The following C13orf42 variants were observed in gnomAD, a reference collection of about 807,000 sequenced individuals.
C13orf42 encodes the protein chromosome 13 open reading frame 42.
chr13:51,082,390 T>A lies in C13orf42; in HGVS notation c.*1761A>T, dbSNP rs1001257920. 6.6e-6 allele frequency: 1 copy of A among 152,182 alleles called. No individual in the cohort carries two copies. The highest frequency in any genetic ancestry group is 1.5e-5 in the Non-Finnish European group (1 of 68,020). The allele number at this position is 152,182 out of a possible 1,614,324, so 9.4% of individuals were successfully genotyped here. A position where few individuals can be genotyped will look rare whatever the true frequency, so the allele number is the denominator to read the frequency against. On this transcript the variant is annotated 3_prime_UTR_variant, in exon 4 of 4. Transcript: ENST00000563710. ...ATGTGCCATAAGCAATAAATGCTTT[T>A]TAAAAAATCAGGACTCCAAACATCC...
In C13orf42 at chr13:51,084,099, G is replaced by A. The variant is rs556229036; in HGVS notation, c.*52C>T. The A allele has an allele frequency of 9.3e-5, 37 of 398,394 alleles. No homozygotes were observed. The highest frequency in any genetic ancestry group is 1.2e-3 in the Middle Eastern group (2 of 1,610). The allele number at this position is 398,394 out of a possible 1,614,324, so 24.7% of individuals were successfully genotyped here. A position where few individuals can be genotyped will look rare whatever the true frequency, so the allele number is the denominator to read the frequency against. ...AAATACCTCATGCTGCGCTGAAAGC[G>A]GACAGCTTCTCAGGGACCCAGTCTG... On this transcript the variant is annotated 3_prime_UTR_variant, in exon 4 of 4. Coordinates refer to ENST00000563710, the MANE Select transcript of C13orf42 (RefSeq NM_001351589.3).
rs1320193171 is a variant in C13orf42 at position 51,085,337 on chromosome 13, G to A, written c.785C>T (p.Pro262Leu). The A allele has an allele frequency of 1.3e-5, 5 of 398,456 alleles. No individual in the cohort carries two copies. Among genetic ancestry groups the A allele is most frequent in the Non-Finnish European group, 1.8e-5 (4 of 226,024 alleles). The allele number at this position is 398,456 out of a possible 1,614,324, so 24.7% of individuals were successfully genotyped here. ...EGAFNTWKFKPKACKKDLGSS... is the reference protein window; with the variant it reads ...EGAFNTWKFKLKACKKDLGSS... ...CACTTACTCTTTTTTGCAGGCTTTGGGCTTAAATTTCCAGGTGTTGAAGGC... is the reference window on the plus strand; with the variant it reads ...CACTTACTCTTTTTTGCAGGCTTTGAGCTTAAATTTCCAGGTGTTGAAGGC... Residue 262 changes from proline to leucine, a missense_variant, in exon 3 of 4, where the codon CCC becomes CTC. Physicochemically the swap from Pro to Leu is moderately conservative, Grantham distance 98. Coordinates refer to ENST00000563710, the MANE Select transcript of C13orf42 (RefSeq NM_001351589.3).
chr13:51,135,603 T>C (rs756892129), intron 1 of C13orf42, among the ~76,000 whole-genome samples: 2 of 150,936 alleles, frequency 1.3e-5, no homozygotes, highest in Non-Finnish European at 3.0e-5. Flanking sequence ...CAATGAGCTA[T>C]GATCACACTA....
chr13:51,103,974 T>C (rs1953321610), intron 1 of C13orf42, among the ~76,000 whole-genome samples: 1 of 152,168 alleles, frequency 6.6e-6, no homozygotes. Flanking sequence ...CTACACAACA[T>C]TGTGAATGTA....
At chr13:51,123,822 C>T (rs1421197699) in intron 1 of C13orf42, among the ~76,000 whole-genome samples, 1 of 152,094 alleles carries the variant, frequency 6.6e-6, no homozygotes, top group African/African-American at 2.4e-5. Context: ...CTGAGCCCAT[C>T]TTGCTTCTAA....
At chr13:51,104,805 G>A (rs1593534761) in intron 1 of C13orf42, among the ~76,000 whole-genome samples, 1 of 148,824 alleles carries the variant, frequency 6.7e-6, no homozygotes, top group East Asian at 2.0e-4. Context: ...GCTAAGAAAA[G>A]TGATGTTTAT....
At chr13:51,123,133 G>T (rs534030372) in intron 1 of C13orf42, among the ~76,000 whole-genome samples, 12 of 152,224 alleles carry the variant, frequency 7.9e-5, no homozygotes, top group African/African-American at 2.9e-4. Context: ...TCTGAAAAAA[G>T]TTCCTCCCCT....
At chr13:51,146,482 G>A (rs1953737286) in intron 1 of C13orf42, among the ~76,000 whole-genome samples, 1 of 152,178 alleles carries the variant, frequency 6.6e-6, no homozygotes, top group South Asian at 2.1e-4. Flanking sequence ...GCACGCCCAT[G>A]ACACAGCCTC....
intron 1 of C13orf42, among the ~76,000 whole-genome samples, chr13:51,120,182 T>C (rs763845997): frequency 2.0e-5 from 3 of 152,232 alleles, no homozygotes; most frequent in Non-Finnish European, 4.4e-5. Context: ...TTGCAAGCAC[T>C]GACTACGTAT....
chr13:51,088,102 G>C (rs1182190309), intron 1 of C13orf42, 27 bp from the exon 2 acceptor site: 2 of 398,628 alleles, frequency 5.0e-6, no homozygotes, highest in African/African-American at 4.1e-5. Context: ...GGAGAAGAGA[G>C]AGTTGCCTGA....
intron 1 of C13orf42, among the ~76,000 whole-genome samples, chr13:51,096,927 A>G (rs1032354695): frequency 6.6e-6 from 1 of 152,166 alleles, no homozygotes; most frequent in Non-Finnish European, 1.5e-5. Context: ...CATTTCCTCT[A>G]TCTTTGCTTT....
chr13:51,115,886 C>T (rs56187383), upstream of C13orf42, among the ~76,000 whole-genome samples: 4,399 of 152,198 alleles, frequency 0.029, 68 homozygotes, highest in East Asian at 0.046. Context: ...CCCTGGAGAC[C>T]AGCTTCCCTG....
intron 1 of C13orf42, among the ~76,000 whole-genome samples, chr13:51,122,910 C>T (rs1448118531): frequency 6.6e-6 from 1 of 152,156 alleles, no homozygotes; most frequent in African/African-American, 2.4e-5. Flanking sequence ...TCACCGTCAT[C>T]TAAAGTCAAA....
At chr13:51,165,036 G>A (rs1375514919) in intron 1 of C13orf42, among the ~76,000 whole-genome samples, 2 of 152,160 alleles carry the variant, frequency 1.3e-5, no homozygotes, top group South Asian at 2.1e-4. Flanking sequence ...CATTACGGGT[G>A]TGCTGACTAT....
Position 51,111,060 on chromosome 13 carries a change from G to A in C13orf42, c.150C>T (p.Ser50=). The A allele has an allele frequency of 2.5e-6, 1 of 398,628 alleles. No individual in the cohort carries two copies. Among genetic ancestry groups the A allele is most frequent in the Non-Finnish European group, 4.4e-6 (1 of 226,104 alleles). 24.7% of individuals were successfully genotyped at this position (398,628 alleles called of 1,614,324 possible). ...TGCTTTTGTACTTCTTTAAGGACTCGCTGAATTTCTCCCCGTGGTCCCCGA... is the reference window on the plus strand; with the variant it reads ...TGCTTTTGTACTTCTTTAAGGACTCACTGAATTTCTCCCCGTGGTCCCCGA... ...YVVGDHGEKF[S]ESLKKYKSTS... is the part of the protein sequence containing the mutation. Residue 50 remains serine, a synonymous_variant, in exon 1 of 4, where the codon AGC becomes AGT. Transcript: ENST00000563710.
At chr13:51,121,480 G>A (rs1283562559) in intron 1 of C13orf42, among the ~76,000 whole-genome samples, 2 of 151,588 alleles carry the variant, frequency 1.3e-5, no homozygotes. Context: ...CCTTAAAATT[G>A]TGCATTCACT....
At chr13:51,120,872 A>G (rs1953529197) in intron 1 of C13orf42, among the ~76,000 whole-genome samples, 1 of 152,082 alleles carries the variant, frequency 6.6e-6, no homozygotes, top group African/African-American at 2.4e-5. Context: ...AAATTAGCCA[A>G]GCATGGTGAC....
chr13:51,124,269 A>G (rs1953559101), intron 1 of C13orf42, among the ~76,000 whole-genome samples: 1 of 151,816 alleles, frequency 6.6e-6, no homozygotes, highest in African/African-American at 2.4e-5. Context: ...ATCCTTAAAA[A>G]CCCTGATCCC....
chr13:51,097,603 A>T (rs945383272), intron 1 of C13orf42, among the ~76,000 whole-genome samples: 1 of 152,144 alleles, frequency 6.6e-6, no homozygotes. Flanking sequence ...GGCTCAGGCT[A>T]TTGTCACAGG....
Sources: allele counts gnomAD v4.1 joint callset (sites outside exome capture counted in the v4.1 genomes callset), GRCh38; gene constraint gnomAD v4.1.1; transcripts MANE v1.5; gene names NCBI Gene and HGNC (gene_info 2026-07-23, HGNC 2026-07-21).